Variants in B4GALNT3 observed in about 807,000 individuals in gnomAD.
B4GALNT3 encodes the protein beta-1,4-N-acetylgalactosaminyltransferase 3.
A neutral mutation model predicts 120.2 loss-of-function variants in B4GALNT3; 86 were observed. The ratio of observed to expected loss-of-function variants is 0.72; its 90% CI spans 0.60 to 0.86. The LOEUF (loss-of-function observed/expected upper bound fraction) is 0.86. Ranked by LOEUF, B4GALNT3 falls within the 40% of genes least tolerant of loss-of-function variation. The probability of loss-of-function intolerance (pLI) is 0.00; values close to 1 mark genes in which losing one functional copy is unlikely to be tolerated. For missense variants in B4GALNT3, 1,167 were observed against 1,298.9 expected, an observed-to-expected ratio of 0.90 and a Z score of 1.56; for synonymous variants, 518 against 510.4, an observed-to-expected ratio of 1.01 and a Z score of -0.20.
Position 460,517 on chromosome 12 carries a change from C to A in B4GALNT3, c.141C>A (p.Ala47=). ...TGTATCTGGAACTGGTGGCGTCGGC[C>A]CAGGTCGGCGGGAACCCCCTGAACC... ...WTLYLELVAS[A]QVGGNPLNRR... The change falls in exon 1 of 20, where the codon GCC becomes GCA. Residue 47 remains alanine (A), a synonymous_variant. Coordinates refer to ENST00000266383, the MANE Select transcript of B4GALNT3 (RefSeq NM_173593.4). This position sits in a 1 kb window ranked among gnomAD's most constrained non-coding sequence, Gnocchi z 8.0. 6.4e-7 allele frequency: 1 copy of A among 1,558,100 alleles called. No homozygotes were observed. Among genetic ancestry groups the A allele is most frequent in the Non-Finnish European group, 8.7e-7 (1 of 1,150,610 alleles).
chr12:545,578 G>T (rs1946983490), intron 6 of B4GALNT3, 109 bp downstream of exon 6: 1 of 1,122,822 alleles, frequency 8.9e-7, no homozygotes, highest in South Asian at 1.5e-5. Flanking sequence ...CAGCGGGGAA[G>T]AAGGGGTGGA....
chr12:547,168 G>GCGTTGCTGGA (rs1205837348), intron 7 of B4GALNT3, among the ~76,000 whole-genome samples: 18 of 152,148 alleles, frequency 1.2e-4, no homozygotes, highest in African/African-American at 1.9e-4. Flanking sequence ...GCGTTGCTGG[G>GCGTTGCTGGA]CGTTGCTGGA....
chr12:542,732 G>A (rs1366539232), intron 3 of B4GALNT3, among the ~76,000 whole-genome samples: 1 of 152,236 alleles, frequency 6.6e-6, no homozygotes, highest in African/African-American at 2.4e-5. Context: ...CAGTCCTGCA[G>A]AGGAGAAAGG....
intron 1 of B4GALNT3, among the ~76,000 whole-genome samples, chr12:499,494 G>C (rs905423885): frequency 7.6e-6 from 1 of 131,088 alleles, no homozygotes; most frequent in Non-Finnish European, 1.5e-5. Context: ...CTAGCCCGTG[G>C]AGCCCGTGCT....
chr12:551,992 T>C, intron 11 of B4GALNT3, 71 bp from the exon 12 acceptor site: 1 of 1,245,416 alleles, frequency 8.0e-7, no homozygotes, highest in Non-Finnish European at 1.2e-6. Flanking sequence ...GGGGCAGGCT[T>C]AACCCTGGCT....
chr12:472,480 G>T (rs1946145741), intron 1 of B4GALNT3, among the ~76,000 whole-genome samples: 1 of 139,032 alleles, frequency 7.2e-6, no homozygotes, highest in African/African-American at 3.1e-5. Flanking sequence ...ACGGAGTCTC[G>T]CTCTTTCGCC....
chr12:561,511 G>A lies in B4GALNT3; in HGVS notation c.*60G>A, dbSNP rs1226911735. The A allele has an allele frequency of 7.5e-7, 1 of 1,341,228 alleles. No individual in the cohort carries two copies. Among genetic ancestry groups the A allele is most frequent in the Non-Finnish European group, 1.0e-6 (1 of 957,328 alleles). 83.1% of individuals were successfully genotyped at this position (1,341,228 alleles called of 1,614,324 possible). On this transcript the variant is annotated 3_prime_UTR_variant, in exon 20 of 20. Transcript: ENST00000266383. ...TCTGGACTAGCAGTGGCTCCCCAGG[G>A]CCCTGCTACTGTTCAGGGATGGGGA...
chr12:480,787 G>T (rs1449331345), intron 1 of B4GALNT3, among the ~76,000 whole-genome samples: 1 of 152,182 alleles, frequency 6.6e-6, no homozygotes, highest in Non-Finnish European at 1.5e-5. Context: ...ATGGACGATG[G>T]TCCTTAGACA....
chr12:531,931 A>G (rs1041740529), intron 1 of B4GALNT3, among the ~76,000 whole-genome samples: 1 of 151,972 alleles, frequency 6.6e-6, no homozygotes, highest in East Asian at 1.9e-4. Flanking sequence ...ACAGTTTATA[A>G]TTGGTAGATA....
At chr12:508,153 C>A (rs1376327255) in intron 1 of B4GALNT3, among the ~76,000 whole-genome samples, 1 of 152,252 alleles carries the variant, frequency 6.6e-6, no homozygotes, top group Non-Finnish European at 1.5e-5. Context: ...GCTGGCCCTG[C>A]CAGCCCAGAC....
At chr12:554,594 T>G (rs1258717728) in intron 14 of B4GALNT3, among the ~76,000 whole-genome samples, 3 of 150,458 alleles carry the variant, frequency 2.0e-5, no homozygotes, top group East Asian at 2.0e-4. Flanking sequence ...ATCGAGACCA[T>G]CCTGGCTAAC....
chr12:548,621 ACT>A lies in B4GALNT3; in HGVS notation c.853+327_853+328del, dbSNP rs1947036843. The stretch of plus-strand genomic sequence containing the variant: ...CTGTGAGCTCACACCAGATCTAAAA[ACT>A]CTGAGGCTGGGTGCGGTGGCTCATA... On this transcript the variant is annotated intron_variant, in intron 9 of 19. Transcript: ENST00000266383. The surrounding 1 kb of genome is among the most constrained non-coding windows in gnomAD (Gnocchi z 4.9). Among the ~76,000 whole-genome samples the A allele has an allele frequency of 6.6e-6, 1 of 151,784 alleles. No individual in the cohort carries two copies. Among genetic ancestry groups the A allele is most frequent in the South Asian group, 2.1e-4 (1 of 4,814 alleles).
chr12:462,117 C>T (rs1028779202), intron 1 of B4GALNT3, among the ~76,000 whole-genome samples: 4 of 152,142 alleles, frequency 2.6e-5, no homozygotes, highest in Non-Finnish European at 5.9e-5. Flanking sequence ...GGGCCTTGTT[C>T]TTCCTTCTGA....
intron 1 of B4GALNT3, among the ~76,000 whole-genome samples, chr12:514,782 A>G (rs112258794): frequency 0.11 from 17,025 of 152,020 alleles, 1,838 homozygotes; most frequent in Admixed American, 0.27. Context: ...TAATCCCAGC[A>G]CTTTGGAAGG....
chr12:514,439 T>C (rs12369012), intron 1 of B4GALNT3, among the ~76,000 whole-genome samples: 134,157 of 151,456 alleles, frequency 0.89, 59,620 homozygotes, highest in East Asian at 1. Context: ...CCTCGTGATC[T>C]GCCCGCCTCG....
intron 1 of B4GALNT3, among the ~76,000 whole-genome samples, chr12:480,951 G>A (rs560692836): frequency 6.6e-6 from 1 of 152,334 alleles, no homozygotes; most frequent in Non-Finnish European, 1.5e-5. Flanking sequence ...ATCTCTCCCT[G>A]CCTGCTCGGC....
At chr12:471,115 GCGGTGGCTCA>G (rs1946131649) in intron 1 of B4GALNT3, among the ~76,000 whole-genome samples, 1 of 149,772 alleles carries the variant, frequency 6.7e-6, no homozygotes, top group Non-Finnish European at 1.5e-5. Flanking sequence ...GTGGCTGGGC[GCGGTGGCTCA>G]CACCTGTAAT....
In B4GALNT3 at chr12:496,460, C is replaced by T. The variant is rs568047988; in HGVS notation, c.169+35915C>T. 4.2e-4 allele frequency among the ~76,000 whole-genome samples: 64 copies of T among 152,064 alleles called. 1 individual carries two copies. Among genetic ancestry groups the T allele is most frequent in the African/African-American group, 1.4e-3 (60 of 41,492 alleles). On this transcript the variant is annotated intron_variant, in intron 1 of 19. Transcript: ENST00000266383. ...ACTAAAAATACAAAAATTGTCCAGG[C>T]GTGGTGGCACACACCTGTGATCCCA...
At chr12:499,495 A>G (rs1423582594) in intron 1 of B4GALNT3, among the ~76,000 whole-genome samples, 1 of 126,238 alleles carries the variant, frequency 7.9e-6, no homozygotes, top group Non-Finnish European at 1.6e-5. Context: ...TAGCCCGTGG[A>G]GCCCGTGCTC....
Sources: allele counts gnomAD v4.1 joint callset (sites outside exome capture counted in the v4.1 genomes callset), GRCh38; gene constraint gnomAD v4.1.1; non-coding constraint Gnocchi (gnomAD v3.1); transcripts MANE v1.5; gene names NCBI Gene and HGNC (gene_info 2026-07-23, HGNC 2026-07-21).